TENM3: variants seen among roughly 807,000 people sequenced by gnomAD.
The protein encoded by TENM3 is teneurin-3.
Under a neutral mutation model 255.1 loss-of-function variants are expected in TENM3, and 63 were observed. The observed-to-expected ratio is 0.25, with a 90% CI of 0.20 to 0.30. The LOEUF is 0.30. Among genes scored for constraint, TENM3 ranks in the 10% least tolerant of loss-of-function variants. The pLI, the probability that TENM3 is intolerant of heterozygous loss-of-function variation, is 1.00. For synonymous variants in TENM3, 1,306 were observed against 1,322.3 expected (o/e 0.99, Z 0.27); for missense variants, 2,929 against 3,461.1 (o/e 0.85, Z 3.86).
the TENM3 span, among the ~76,000 whole-genome samples, chr4:181,567,245 A>G: frequency 1.3e-5 from 2 of 152,234 alleles, no homozygotes; most frequent in African/African-American, 4.8e-5. Context: ...GGAACCTTTC[A>G]TTATAACTCC....
the TENM3 span, among the ~76,000 whole-genome samples, chr4:181,901,586 A>T: frequency 6.6e-6 from 1 of 152,208 alleles, no homozygotes; most frequent in Admixed American, 6.5e-5. Context: ...TCTTTCTTCC[A>T]TGGCATGTGC....
At chr4:182,438,951 C>G (rs1357131608) in intron 3 of TENM3, among the ~76,000 whole-genome samples, 1 of 152,154 alleles carries the variant, frequency 6.6e-6, no homozygotes, top group African/African-American at 2.4e-5. Flanking sequence ...AAATGGCCAC[C>G]AAGGATGATA....
chr4:181,920,761 T>G, the TENM3 span, among the ~76,000 whole-genome samples: 27 of 151,738 alleles, frequency 1.8e-4, no homozygotes, highest in South Asian at 1.7e-3. Context: ...GTCAATTTTG[T>G]CTTTTGTTGC....
chr4:182,101,110 GGAAA>G, the TENM3 span, among the ~76,000 whole-genome samples: 32 of 46,724 alleles, frequency 6.8e-4, 1 homozygote, highest in African/African-American at 1.2e-3. Context: ...GAGGGAGGAA[GGAAA>G]GAAGGAAGGA....
At chr4:182,177,794 C>T (rs562720284) in intron 1 of TENM3, among the ~76,000 whole-genome samples, 1 of 151,954 alleles carries the variant, frequency 6.6e-6, no homozygotes, top group Admixed American at 6.6e-5. Context: ...TCCCAAAGTA[C>T]TGGGATTACA....
the TENM3 span, among the ~76,000 whole-genome samples, chr4:182,015,107 G>A: frequency 1.3e-5 from 2 of 152,158 alleles, no homozygotes; most frequent in Non-Finnish European, 2.9e-5. Context: ...GAATTCCCCT[G>A]CTCTACTTCT....
chr4:182,358,072 T>C (rs1765691324), intron 3 of TENM3, among the ~76,000 whole-genome samples: 2 of 151,634 alleles, frequency 1.3e-5, no homozygotes, highest in Non-Finnish European at 1.5e-5. Context: ...GTTCCATTGA[T>C]CTATATCTCT....
the TENM3 span, among the ~76,000 whole-genome samples, chr4:182,009,219 G>T: frequency 6.6e-6 from 1 of 152,126 alleles, no homozygotes; most frequent in Non-Finnish European, 1.5e-5. Context: ...CAGTTGGGTG[G>T]CATGGGGAGC....
the TENM3 span, among the ~76,000 whole-genome samples, chr4:182,100,840 CTCAT>C: frequency 1.2e-3 from 8 of 6,812 alleles, 3 homozygotes; most frequent in African/African-American, 5.0e-3. Context: ...TATATATATA[CTCAT>C]ATATATATAT....
Position 182,650,049 on chromosome 4 carries a change from C to T in TENM3, c.989-3722C>T, listed in dbSNP as rs548202984. 3.3e-5 allele frequency among the ~76,000 whole-genome samples: 5 copies of T among 149,844 alleles called. 1 individual carries two copies. The South Asian group carries it at 6.5e-4, about 20-fold the overall frequency. Reference sequence around the variant, plus strand: ...AATCTCCACTTTCTTGGATTTAAAACGAAAAAAAATAAGTCATAATAACCA... The same window carrying T: ...AATCTCCACTTTCTTGGATTTAAAATGAAAAAAAATAAGTCATAATAACCA... On this transcript the variant is annotated intron_variant, in intron 5 of 27. Coordinates refer to ENST00000511685, the MANE Select transcript of TENM3 (RefSeq NM_001080477.4).
chr4:181,794,150 A>G, the TENM3 span, among the ~76,000 whole-genome samples: 1 of 151,942 alleles, frequency 6.6e-6, no homozygotes, highest in African/African-American at 2.4e-5. Flanking sequence ...ACTGAAGTAT[A>G]TTTGACAGAT....
the TENM3 span, among the ~76,000 whole-genome samples, chr4:182,052,862 C>T: frequency 6.6e-6 from 1 of 152,132 alleles, no homozygotes; most frequent in South Asian, 2.1e-4. Flanking sequence ...CTCTGAGGTT[C>T]CAGCTTTAAA....
the TENM3 span, among the ~76,000 whole-genome samples, chr4:181,488,310 C>T: frequency 1.2e-4 from 19 of 152,228 alleles, no homozygotes; most frequent in Admixed American, 5.2e-4. Flanking sequence ...TTCATCAGTA[C>T]AATTGGTGAG....
At chr4:182,265,813 A>G (rs1705021774) in intron 1 of TENM3, among the ~76,000 whole-genome samples, 1 of 152,254 alleles carries the variant, frequency 6.6e-6, no homozygotes, top group Non-Finnish European at 1.5e-5. Context: ...TAAAAGCAAC[A>G]TAAAAACTGT....
chr4:182,659,640 CA>C, intron 6 of TENM3, among the ~76,000 whole-genome samples: 1 of 152,264 alleles, frequency 6.6e-6, no homozygotes, highest in Non-Finnish European at 1.5e-5. Flanking sequence ...TAAGTTCCTT[CA>C]ACTCTGACCC....
intron 4 of TENM3, among the ~76,000 whole-genome samples, chr4:182,621,810 T>TA (rs1561017203): frequency 2.0e-5 from 2 of 98,390 alleles, no homozygotes; most frequent in African/African-American, 8.5e-5. Flanking sequence ...AATATATATA[T>TA]TATATATATA....
At chr4:181,764,522 A>G in the TENM3 span, among the ~76,000 whole-genome samples, 1 of 152,200 alleles carries the variant, frequency 6.6e-6, no homozygotes, top group African/African-American at 2.4e-5. Flanking sequence ...TTATCTGGCC[A>G]TCTTATGGTT....
chr4:182,562,620 C>T (rs565630600), intron 3 of TENM3, among the ~76,000 whole-genome samples: 1 of 152,244 alleles, frequency 6.6e-6, no homozygotes, highest in Non-Finnish European at 1.5e-5. Flanking sequence ...GAGGCTGTCT[C>T]AGTTTCATCT....
chr4:181,845,544 A>G, the TENM3 span, among the ~76,000 whole-genome samples: 15 of 152,350 alleles, frequency 9.8e-5, no homozygotes, highest in Non-Finnish European at 2.1e-4. Flanking sequence ...ACCTTAATAC[A>G]GAATTAAGCG....
Sources: gnomAD v4.1 joint callset for allele counts (sites outside exome capture counted in the v4.1 genomes callset) on GRCh38, gnomAD v4.1.1 for gene constraint, MANE v1.5 for transcripts, NCBI Gene and HGNC (gene_info 2026-07-23, HGNC 2026-07-21) for gene names.